RANBP2: variants seen among roughly 807,000 people sequenced by gnomAD.
RANBP2 encodes the protein RAN binding protein 2.
Under a neutral mutation model 303.6 loss-of-function variants are expected in RANBP2, and 57 were observed. The observed-to-expected ratio is 0.19, with a 90% CI of 0.15 to 0.23. The LOEUF (loss-of-function observed/expected upper bound fraction) is 0.23. Among genes scored for constraint, RANBP2 ranks in the 10% least tolerant of loss-of-function variants. The probability of loss-of-function intolerance (pLI) is 1.00; values close to 1 mark genes in which losing one functional copy is unlikely to be tolerated. For missense variants in RANBP2, 3,138 were observed against 3,780.8 expected, an observed-to-expected ratio of 0.83 and a Z score of 4.46; for synonymous variants, 1,167 against 1,301.5, an observed-to-expected ratio of 0.90 and a Z score of 2.23.
chr2:109,039,865 C>A, the RANBP2 span, among the ~76,000 whole-genome samples: 1 of 151,860 alleles, frequency 6.6e-6, no homozygotes, highest in African/African-American at 2.4e-5. Context: ...AAAATATATT[C>A]TGTGTATGAT....
the RANBP2 span, among the ~76,000 whole-genome samples, chr2:109,286,545 G>A: frequency 6.6e-6 from 1 of 152,206 alleles, no homozygotes; most frequent in Non-Finnish European, 1.5e-5. Flanking sequence ...CCCAGAGCCA[G>A]GGGTTTGCTC....
chr2:108,886,575 C>T, the RANBP2 span, among the ~76,000 whole-genome samples: 9,392 of 152,076 alleles, frequency 0.062, 357 homozygotes, highest in South Asian at 0.15. Flanking sequence ...CCACCATGCC[C>T]GGCTAATTTT....
chr2:108,930,593 C>T, the RANBP2 span, among the ~76,000 whole-genome samples: 2 of 152,148 alleles, frequency 1.3e-5, no homozygotes, highest in Non-Finnish European at 2.9e-5. Flanking sequence ...ACAGTGGCTT[C>T]TCAGAACACC....
At chr2:108,809,134 G>A in the RANBP2 span, among the ~76,000 whole-genome samples, 1 of 152,026 alleles carries the variant, frequency 6.6e-6, no homozygotes, top group African/African-American at 2.4e-5. Context: ...GTAAATGTGT[G>A]GATTTATTTC....
chr2:108,788,889 A>T (rs186096514), downstream of RANBP2: 1 of 1,614,132 alleles, frequency 6.2e-7, no homozygotes, highest in East Asian at 2.2e-5. Flanking sequence ...AAGTTGGTTC[A>T]TCGTTAAAAT....
the RANBP2 span, chr2:109,613,031 T>C: frequency 3.8e-6 from 2 of 521,262 alleles, no homozygotes; most frequent in Admixed American, 2.3e-5. Flanking sequence ...CAATGTTTAC[T>C]ATCAAAAATT....
the RANBP2 span, among the ~76,000 whole-genome samples, chr2:109,442,028 T>C: frequency 6.6e-6 from 1 of 152,134 alleles, no homozygotes; most frequent in Non-Finnish European, 1.5e-5. Context: ...ATCCACACTA[T>C]TGGCCAGGCA....
the RANBP2 span, among the ~76,000 whole-genome samples, chr2:109,443,557 G>A: frequency 6.6e-6 from 1 of 152,198 alleles, no homozygotes; most frequent in Non-Finnish European, 1.5e-5. Context: ...TGCCAATAAT[G>A]AGAATAGATT....
the RANBP2 span, among the ~76,000 whole-genome samples, chr2:109,205,240 A>T: frequency 6.6e-6 from 1 of 151,654 alleles, no homozygotes; most frequent in East Asian, 1.9e-4. Flanking sequence ...AAGATAAAAA[A>T]AATTAGAGCA....
chr2:109,172,376 G>A, the RANBP2 span, among the ~76,000 whole-genome samples: 1 of 152,244 alleles, frequency 6.6e-6, no homozygotes, highest in African/African-American at 2.4e-5. Flanking sequence ...ACGGAGCTCA[G>A]CCGTCCTCTC....
At chr2:109,485,366 T>C in the RANBP2 span, among the ~76,000 whole-genome samples, 9 of 152,258 alleles carry the variant, frequency 5.9e-5, no homozygotes, top group African/African-American at 2.2e-4. Context: ...TTAATGTTGC[T>C]TTTTGCAAAT....
At chr2:109,025,898 C>T in the RANBP2 span, among the ~76,000 whole-genome samples, 7,265 of 152,042 alleles carry the variant, frequency 0.048, 458 homozygotes, top group African/African-American at 0.14. Flanking sequence ...TAGTTTTTCA[C>T]AGAGATGGGG....
the RANBP2 span, among the ~76,000 whole-genome samples, chr2:109,548,980 C>T: frequency 3.9e-5 from 6 of 152,056 alleles, no homozygotes; most frequent in African/African-American, 7.2e-5. Context: ...AACAGATAAT[C>T]GATTAAGGCC....
the RANBP2 span, among the ~76,000 whole-genome samples, chr2:108,831,812 A>AACT: frequency 6.6e-6 from 1 of 151,944 alleles, no homozygotes; most frequent in Non-Finnish European, 1.5e-5. Flanking sequence ...GGCCCACTGC[A>AACT]ACTACTGCCT....
the RANBP2 span, among the ~76,000 whole-genome samples, chr2:109,260,929 T>C: frequency 6.6e-6 from 1 of 152,172 alleles, no homozygotes; most frequent in Admixed American, 6.5e-5. Flanking sequence ...GGAAGGCCAC[T>C]CTGTTTACAA....
At chr2:109,128,937 T>C in the RANBP2 span, 18 of 386,504 alleles carry the variant, frequency 4.7e-5, no homozygotes, top group South Asian at 3.0e-4. Flanking sequence ...CGGCGCCTCC[T>C]TCCCTGAGCC....
At chr2:108,915,323 T>TG in the RANBP2 span, among the ~76,000 whole-genome samples, 19 of 152,192 alleles carry the variant, frequency 1.2e-4, no homozygotes, top group Admixed American at 1.2e-3. Flanking sequence ...CTGCTCTAAA[T>TG]GGAGCAGGGC....
the RANBP2 span, among the ~76,000 whole-genome samples, chr2:109,289,417 G>A: frequency 2.6e-5 from 4 of 152,132 alleles, no homozygotes; most frequent in African/African-American, 9.7e-5. Context: ...ACTGTTGTTG[G>A]AACATGAGCT....
the RANBP2 span, among the ~76,000 whole-genome samples, chr2:109,335,255 G>A: frequency 7.2e-5 from 11 of 152,322 alleles, no homozygotes; most frequent in South Asian, 2.1e-3. Flanking sequence ...CCCCTCGCCC[G>A]TCCCACACGA....
Sources: gnomAD v4.1 joint callset for allele counts (sites outside exome capture counted in the v4.1 genomes callset) on GRCh38, gnomAD v4.1.1 for gene constraint, MANE v1.5 for transcripts, NCBI Gene and HGNC (gene_info 2026-07-23, HGNC 2026-07-21) for gene names.